Variants in DNAJC1 observed in about 807,000 individuals in gnomAD.
DNAJC1 encodes the protein dnaJ homolog subfamily C member 1.
In DNAJC1, 58 loss-of-function variants were observed where a neutral mutation model predicts 76.6. The observed-to-expected ratio is 0.76, with a 90% CI of 0.61 to 0.94. The LOEUF is 0.94. Among genes scored for constraint, DNAJC1 ranks in the 40% least tolerant of loss-of-function variants. The pLI, the probability that DNAJC1 is intolerant of heterozygous loss-of-function variation, is 0.00. For missense variants in DNAJC1, 689 were observed against 677.3 expected, an observed-to-expected ratio of 1.02 and a Z score of -0.19; for synonymous variants, 258 against 267.9, an observed-to-expected ratio of 0.96 and a Z score of 0.36.
At chr10:21,978,013 G>A (rs990702271) in intron 1 of DNAJC1, among the ~76,000 whole-genome samples, 18 of 152,218 alleles carry the variant, frequency 1.2e-4, no homozygotes, top group African/African-American at 4.1e-4. Flanking sequence ...CAATAAGAAT[G>A]TCTGTTTTTT....
At chr10:21,981,615 G>A (rs758156607) in intron 1 of DNAJC1, among the ~76,000 whole-genome samples, 33 of 152,040 alleles carry the variant, frequency 2.2e-4, no homozygotes, top group Non-Finnish European at 4.4e-4. Context: ...TTTGTAAAAT[G>A]GGGAAAAAAT....
intron 9 of DNAJC1, among the ~76,000 whole-genome samples, chr10:21,767,354 T>C (rs1458637014): frequency 6.6e-6 from 1 of 152,258 alleles, no homozygotes; most frequent in Non-Finnish European, 1.5e-5. Context: ...TAGCTTGCTC[T>C]TTCTTCATTT....
Position 21,918,849 on chromosome 10 carries a change from T to C in DNAJC1, c.659A>G (p.His220Arg). 1.2e-6 allele frequency: 2 copies of C among 1,613,234 alleles called. No homozygotes were observed. The highest frequency in any genetic ancestry group is 1.7e-6 in the Non-Finnish European group (2 of 1,179,344). The change falls in exon 6 of 12, where the codon CAT (histidine) becomes CGT (arginine). Residue 220 changes from histidine (H) to arginine (R), a missense_variant. Physicochemically the swap from His to Arg is conservative, Grantham distance 29 (BLOSUM62 0). Coordinates refer to ENST00000376980, the MANE Select transcript of DNAJC1 (RefSeq NM_022365.4). ...NERLLMKPQWHDLLPCKLGIW... is the reference protein window; with the variant it reads ...NERLLMKPQWRDLLPCKLGIW... Reference sequence around the variant, plus strand: ...CCCCAGTTTGCATGGAAGCAAATCATGCCACTGTGGTTTCATCAGCAATCT... The same window carrying C: ...CCCCAGTTTGCATGGAAGCAAATCACGCCACTGTGGTTTCATCAGCAATCT...
At chr10:21,922,006 C>T (rs1328233224) in intron 3 of DNAJC1, among the ~76,000 whole-genome samples, 1 of 151,966 alleles carries the variant, frequency 6.6e-6, no homozygotes, top group Non-Finnish European at 1.5e-5. Flanking sequence ...TGGTGCAACA[C>T]ATTGACCAAA....
rs138404577 is a variant in DNAJC1 at position 21,840,937 on chromosome 10, G to C, written c.979-34838C>G. On this transcript the variant is annotated intron_variant, in intron 8 of 11. Coordinates refer to ENST00000376980, the MANE Select transcript of DNAJC1 (RefSeq NM_022365.4). ...CCAAAGGAGCAGAACAGAGCCCTCA[G>C]AAATAATGCCGCATATCTACAACTA... is the stretch of plus-strand genomic sequence containing the variant. 2.7e-3 allele frequency among the ~76,000 whole-genome samples: 413 copies of C among 152,242 alleles called. 2 individuals are homozygous for C. The highest frequency in any genetic ancestry group is 9.4e-3 in the African/African-American group (392 of 41,528).
intron 7 of DNAJC1, among the ~76,000 whole-genome samples, chr10:21,895,734 T>A (rs1052685422): frequency 6.6e-6 from 1 of 152,142 alleles, no homozygotes. Flanking sequence ...AATGGAAGAA[T>A]GACCGCAAAG....
At chr10:21,908,234 A>AAT (rs1231264676) in intron 6 of DNAJC1, among the ~76,000 whole-genome samples, 1 of 38,732 alleles carries the variant, frequency 2.6e-5, no homozygotes, top group Non-Finnish European at 3.9e-5. Context: ...ATATATATAA[A>AAT]ATATATATAA....
chr10:21,804,246 T>G (rs552741979), intron 9 of DNAJC1, among the ~76,000 whole-genome samples: 68 of 152,206 alleles, frequency 4.5e-4, no homozygotes, highest in African/African-American at 1.6e-3. Flanking sequence ...TAGCATCAAA[T>G]GTAGAGCCTT....
chr10:21,805,177 T>G (rs1045323371), intron 9 of DNAJC1, among the ~76,000 whole-genome samples: 5 of 152,076 alleles, frequency 3.3e-5, no homozygotes, highest in Non-Finnish European at 5.9e-5. Flanking sequence ...CCTCTAAGTA[T>G]TTTTGGATCT....
At chr10:21,778,627 G>A (rs1487394884) in intron 9 of DNAJC1, among the ~76,000 whole-genome samples, 1 of 152,178 alleles carries the variant, frequency 6.6e-6, no homozygotes, top group Non-Finnish European at 1.5e-5. Flanking sequence ...GTTCCAAGAT[G>A]GCTGAATAGG....
chr10:21,913,959 T>C (rs1277595796), intron 6 of DNAJC1, among the ~76,000 whole-genome samples: 1 of 152,152 alleles, frequency 6.6e-6, no homozygotes, highest in Non-Finnish European at 1.5e-5. Context: ...CCTGCTTCCT[T>C]GTATGTAGTC....
chr10:21,958,799 T>C (rs572703846), intron 1 of DNAJC1, among the ~76,000 whole-genome samples: 2 of 152,224 alleles, frequency 1.3e-5, no homozygotes, highest in African/African-American at 4.8e-5. Flanking sequence ...AACGTCAGAT[T>C]TGGCAGAAAA....
chr10:21,948,134 A>C (rs1359931589), intron 1 of DNAJC1, among the ~76,000 whole-genome samples: 1 of 138,500 alleles, frequency 7.2e-6, no homozygotes, highest in Non-Finnish European at 1.5e-5. Context: ...TCTGTCACCC[A>C]GGCTGGAGTA....
intron 1 of DNAJC1, among the ~76,000 whole-genome samples, chr10:21,953,821 T>TAAAAAAAAAA (rs779370823): frequency 1.2e-5 from 1 of 84,950 alleles, no homozygotes; most frequent in Non-Finnish European, 2.3e-5. Flanking sequence ...AACTGAACTT[T>TAAAAAAAAAA]AAAAAAAAAA....
chr10:21,960,492 A>G lies in DNAJC1; in HGVS notation c.223-31351T>C, dbSNP rs561987675. On this transcript the variant is annotated intron_variant, in intron 1 of 11. Transcript: ENST00000376980. ...TTTAGGAGACTGAGATAGGAGCATTACTTGAGCCCAGGAGTTAAAGACCAG... is the reference window on the plus strand; with the variant it reads ...TTTAGGAGACTGAGATAGGAGCATTGCTTGAGCCCAGGAGTTAAAGACCAG... 5.3e-5 allele frequency among the ~76,000 whole-genome samples: 8 copies of G among 152,308 alleles called. No individual in the cohort carries two copies. In the South Asian group the frequency reaches 1.0e-3, roughly 20 times the overall value.
chr10:21,829,467 C>T (rs889847225), intron 8 of DNAJC1, among the ~76,000 whole-genome samples: 9 of 152,328 alleles, frequency 5.9e-5, no homozygotes, highest in South Asian at 2.1e-4. Context: ...CCGCCCACCT[C>T]GGCCTCCCAA....
Position 21,907,196 on chromosome 10 carries a change from ATC to A in DNAJC1, c.730-2586_730-2585del, listed in dbSNP as rs1836760295. Among the ~76,000 whole-genome samples the A allele has an allele frequency of 5.3e-5, 8 of 152,184 alleles. No homozygotes were observed. The South Asian group carries it at 1.7e-3, about 32-fold the overall frequency. On this transcript the variant is annotated intron_variant, in intron 6 of 11. Coordinates refer to ENST00000376980, the MANE Select transcript of DNAJC1 (RefSeq NM_022365.4). ...TTATCTGAGGACTGCAATCCACCCA[ATC>A]ACCCTAACCTACTCTACTTAATCTG...
chr10:21,972,595 A>T (rs903540601), intron 1 of DNAJC1, among the ~76,000 whole-genome samples: 1 of 152,090 alleles, frequency 6.6e-6, no homozygotes, highest in Non-Finnish European at 1.5e-5. Flanking sequence ...TACAAGTTAA[A>T]TTAATCTAAT....
At position 21,918,885 on chromosome 10, in the gene DNAJC1, A is replaced by AG. The variant is rs1337978195; in HGVS notation, c.636-14dup. 1.3e-6 allele frequency: 2 copies of AG among 1,587,216 alleles called. No individual in the cohort carries two copies. Among genetic ancestry groups the AG allele is most frequent in the South Asian group, 1.1e-5 (1 of 90,490 alleles). On this transcript the variant is annotated splice_polypyrimidine_tract_variant and intron_variant, in intron 5 of 11. Coordinates refer to ENST00000376980, the MANE Select transcript of DNAJC1 (RefSeq NM_022365.4). Reference sequence around the variant, plus strand: ...TTTCATCAGCAATCTAAAGGGAGGGAGAAAAAAGAACACCATACAACATAT... The same window carrying AG: ...TTTCATCAGCAATCTAAAGGGAGGGAGGAAAAAAGAACACCATACAACATAT...
Sources: gnomAD v4.1 joint callset for allele counts (sites outside exome capture counted in the v4.1 genomes callset) on GRCh38, gnomAD v4.1.1 for gene constraint, MANE v1.5 for transcripts, NCBI Gene and HGNC (gene_info 2026-07-23, HGNC 2026-07-21) for gene names.